SLC26A11: variants seen among roughly 807,000 people sequenced by gnomAD.
SLC26A11 encodes sodium-independent sulfate anion transporter.
In SLC26A11, 58 loss-of-function variants were observed where a neutral mutation model predicts 62.2. The ratio of observed to expected loss-of-function variants is 0.93; its 90% confidence interval spans 0.76 to 1.16. The LOEUF is 1.16. Ranked by LOEUF, SLC26A11 falls within the 50% of genes most tolerant of loss-of-function variation. The pLI, the probability that SLC26A11 is intolerant of heterozygous loss-of-function variation, is 0.00. For missense variants in SLC26A11, 790 were observed against 794.3 expected, an observed-to-expected ratio of 0.99 and a Z score of 0.06; for synonymous variants, 411 against 368.9, an observed-to-expected ratio of 1.11 and a Z score of -1.31.
chr17:80,242,244 T>C (rs1165999933), intron 10 of SLC26A11, among the ~76,000 whole-genome samples: 1 of 152,220 alleles, frequency 6.6e-6, no homozygotes, highest in African/African-American at 2.4e-5. Context: ...CCCAAAGTGC[T>C]GAGGTTACAG....
chr17:80,237,729 T>C, intron 9 of SLC26A11, 135 bp downstream of exon 9: 1 of 784,734 alleles, frequency 1.3e-6, no homozygotes, highest in South Asian at 1.7e-5. Context: ...ATGCTCATGA[T>C]AGATACATAT....
At chr17:80,232,436 G>A (rs1344978833) in intron 7 of SLC26A11, among the ~76,000 whole-genome samples, 1 of 152,078 alleles carries the variant, frequency 6.6e-6, no homozygotes, top group Non-Finnish European at 1.5e-5. Context: ...TGTGTTTTTA[G>A]TAGCAATGAG....
In SLC26A11 at chr17:80,228,641, C is replaced by T. The variant is rs2144894251; in HGVS notation, c.736+681C>T. ...AACTAGCGAGGAGGGGCCAGGAATG[C>T]CACTAAGCCCCTGACGGCGCACAGC... On this transcript the variant is annotated intron_variant, in intron 7 of 17. Coordinates refer to ENST00000361193, the MANE Select transcript of SLC26A11 (RefSeq NM_001166347.2). This position sits in a 1 kb window ranked among gnomAD's most constrained non-coding sequence, Gnocchi z 4.1. 6.6e-6 allele frequency among the ~76,000 whole-genome samples: 1 copy of T among 152,336 alleles called. No individual in the cohort carries two copies. The highest frequency in any genetic ancestry group is 1.5e-5 in the Non-Finnish European group (1 of 68,038).
At chr17:80,234,902 T>G (rs918527856) in intron 7 of SLC26A11, among the ~76,000 whole-genome samples, 2 of 151,138 alleles carry the variant, frequency 1.3e-5, no homozygotes, top group East Asian at 3.9e-4. Flanking sequence ...CAGGCTGGAG[T>G]GCAATGGCGC....
At chr17:80,251,468 A>C (rs2043153992) in intron 17 of SLC26A11, 67 bp downstream of exon 17, 1 of 1,597,108 alleles carries the variant, frequency 6.3e-7, no homozygotes, top group African/African-American at 1.3e-5. Flanking sequence ...TATTGTAAAA[A>C]ATATGGGAAA....
intron 7 of SLC26A11, among the ~76,000 whole-genome samples, chr17:80,232,241 A>T (rs2042584729): frequency 6.6e-6 from 1 of 151,594 alleles, no homozygotes; most frequent in Admixed American, 6.6e-5. Flanking sequence ...GTGTTAGCAT[A>T]TCTTTTCCCA....
intron 9 of SLC26A11, 39 bp downstream of exon 9, chr17:80,237,633 C>A: frequency 6.3e-7 from 1 of 1,588,028 alleles, no homozygotes; most frequent in Non-Finnish European, 8.6e-7. Context: ...TCTCCCAGTG[C>A]GCCGGCTGGG....
intron 6 of SLC26A11, among the ~76,000 whole-genome samples, chr17:80,227,456 C>G (rs2042442112): frequency 6.6e-6 from 1 of 152,194 alleles, no homozygotes; most frequent in African/African-American, 2.4e-5. Flanking sequence ...TCATCATGAC[C>G]CGGGCCTCTC....
intron 7 of SLC26A11, among the ~76,000 whole-genome samples, chr17:80,232,251 A>G (rs981787852): frequency 1.3e-5 from 2 of 150,554 alleles, no homozygotes; most frequent in Non-Finnish European, 3.0e-5. Flanking sequence ...ATCTTTTCCC[A>G]TCTTTTTACT....
chr17:80,237,255 T>C, intron 8 of SLC26A11, 152 bp downstream of exon 8: 1 of 1,021,176 alleles, frequency 9.8e-7, no homozygotes, highest in Non-Finnish European at 1.4e-6. Context: ...TATTAAAGAA[T>C]CCCAGGTTGG....
chr17:80,227,818 G>T lies in SLC26A11; in HGVS notation c.594G>T (p.Arg198Ser), dbSNP rs1432381002. The change falls in exon 7 of 18, where the codon AGG (arginine) becomes AGT (serine). Residue 198 changes from arginine to serine, a missense_variant and splice_region_variant. Arg to Ser is a moderately radical substitution (Grantham distance 110, BLOSUM62 -1). Coordinates refer to ENST00000361193, the MANE Select transcript of SLC26A11 (RefSeq NM_001166347.2). ...YHTFLRIAET[R>S]VGDAVLGLVC... The stretch of plus-strand genomic sequence containing the variant: ...TGACCAGTCCTCTGCCTGTCCACAG[G>T]GTAGGTGACGCCGTCCTGGGGCTGG... The T allele has an allele frequency of 6.2e-7, 1 of 1,603,908 alleles. No homozygotes were observed. Among genetic ancestry groups the T allele is most frequent in the East Asian group, 2.2e-5 (1 of 44,868 alleles).
At chr17:80,226,781 T>A (rs2042425369) in intron 6 of SLC26A11, among the ~76,000 whole-genome samples, 1 of 152,206 alleles carries the variant, frequency 6.6e-6, no homozygotes, top group Non-Finnish European at 1.5e-5. Context: ...GAAGGCAGGA[T>A]GCCTCTCTAC....
rs550752712 is a variant in SLC26A11 at position 80,223,738 on chromosome 17, A to C, written c.513+401A>C. On this transcript the variant is annotated intron_variant, in intron 5 of 17. Transcript: ENST00000361193. This position sits in a 1 kb window ranked among gnomAD's most constrained non-coding sequence, Gnocchi z 4.6. ...TATAGGCAAATTATTTCCCCATGCC[A>C]ATTTAGTTAGATGGTTTTGTTTTGT... Among the ~76,000 whole-genome samples, 1 of 152,152 alleles carries C rather than the reference A, an allele frequency of 6.6e-6. No homozygotes were observed.
intron 7 of SLC26A11, among the ~76,000 whole-genome samples, chr17:80,236,286 C>G (rs1368673587): frequency 6.6e-6 from 1 of 152,256 alleles, no homozygotes; most frequent in Admixed American, 6.5e-5. Context: ...ATCTCTGCAG[C>G]TCTGTCTCCG....
chr17:80,235,135 C>T (rs1291944565), intron 7 of SLC26A11, among the ~76,000 whole-genome samples: 1 of 152,132 alleles, frequency 6.6e-6, no homozygotes, highest in African/African-American at 2.4e-5. Flanking sequence ...CAGGCGTGAG[C>T]TACCGTGCCC....
chr17:80,248,709 C>G, intron 15 of SLC26A11, 35 bp downstream of exon 15: 2 of 1,529,200 alleles, frequency 1.3e-6, no homozygotes, highest in Non-Finnish European at 1.8e-6. Flanking sequence ...TCTGAGGTCA[C>G]TCCCCTGTCC....
chr17:80,224,458 A>C (rs796660561), intron 5 of SLC26A11, among the ~76,000 whole-genome samples: 4 of 144,644 alleles, frequency 2.8e-5, no homozygotes, highest in South Asian at 2.2e-4. Context: ...TGAGTGTGAG[A>C]GTGTGAGTGT....
At chr17:80,224,442 A>AGGGTGT (rs33961786) in intron 5 of SLC26A11, among the ~76,000 whole-genome samples, 1 of 120,250 alleles carries the variant, frequency 8.3e-6, no homozygotes, top group African/African-American at 3.6e-5. Context: ...TGTGGGTGTG[A>AGGGTGT]GAGTGTGAGT....
rs2042270757 is a variant in SLC26A11 at position 80,223,136 on chromosome 17, T to C, written c.428-116T>C. 2.1e-6 allele frequency: 2 copies of C among 956,998 alleles called. No homozygotes were observed. Among genetic ancestry groups the C allele is most frequent in the South Asian group, 2.8e-5 (2 of 72,146 alleles). 59.3% of individuals were successfully genotyped at this position (956,998 alleles called of 1,614,324 possible). On this transcript the variant is annotated intron_variant, in intron 4 of 17. Coordinates refer to ENST00000361193, the MANE Select transcript of SLC26A11 (RefSeq NM_001166347.2). The surrounding 1 kb of genome is among the most constrained non-coding windows in gnomAD (Gnocchi z 4.6). ...GGGTGTGTTACCCCCAGTCCTTAGC[T>C]GCGGTATCTGCTCCCCAATCCCACC...
Sources: gnomAD v4.1 joint callset for allele counts (sites outside exome capture counted in the v4.1 genomes callset) on GRCh38, gnomAD v4.1.1 for gene constraint, Gnocchi (gnomAD v3.1) non-coding constraint, MANE v1.5 for transcripts, NCBI Gene and HGNC (gene_info 2026-07-23, HGNC 2026-07-21) for gene names.